SAMSN1: variants seen among roughly 807,000 people sequenced by gnomAD.
SAMSN1 encodes the protein SAM domain, SH3 domain and nuclear localization signals 1, also known as SAM domain-containing protein SAMSN-1.
A neutral mutation model predicts 42.0 loss-of-function variants in SAMSN1; 31 were observed. The ratio of observed to expected loss-of-function variants is 0.74; its 90% CI spans 0.55 to 1.00. SAMSN1 has a LOEUF of 1.00. Ranked by LOEUF, SAMSN1 falls within the 50% of genes least tolerant of loss-of-function variation. The pLI is 0.00. For missense variants in SAMSN1, 464 were observed against 439.4 expected (o/e 1.06, Z -0.50); for synonymous variants, 178 against 151.9 (o/e 1.17, Z -1.26).
intron 1 of SAMSN1, among the ~76,000 whole-genome samples, chr21:14,648,447 C>A (rs1983763135): frequency 6.6e-6 from 1 of 152,164 alleles, no homozygotes; most frequent in African/African-American, 2.4e-5. Flanking sequence ...AGAGCTTCTG[C>A]ACAGCAAAAG....
intron 2 of SAMSN1, among the ~76,000 whole-genome samples, chr21:14,573,978 G>T (rs1301665995): frequency 6.6e-6 from 1 of 150,502 alleles, no homozygotes; most frequent in Non-Finnish European, 1.5e-5. Context: ...ATATTTCTTT[G>T]CAATAAAAGA....
chr21:14,541,458 C>G (rs114625959), intron 1 of SAMSN1, among the ~76,000 whole-genome samples: 2,146 of 152,260 alleles, frequency 0.014, 48 homozygotes, highest in African/African-American at 0.049. Flanking sequence ...CATGTGGCCC[C>G]ACACAAATTC....
intron 1 of SAMSN1, among the ~76,000 whole-genome samples, chr21:14,524,223 C>A (rs1978683058): frequency 6.6e-6 from 1 of 152,072 alleles, no homozygotes; most frequent in Non-Finnish European, 1.5e-5. Flanking sequence ...TATATGGAAA[C>A]AAAGCTTGCT....
chr21:14,508,361 A>G (rs547794890), intron 5 of SAMSN1, among the ~76,000 whole-genome samples: 4 of 152,304 alleles, frequency 2.6e-5, no homozygotes, highest in Non-Finnish European at 2.9e-5. Context: ...CAACAAGAAA[A>G]AAAAACAAAC....
intron 2 of SAMSN1, among the ~76,000 whole-genome samples, chr21:14,565,216 A>T (rs1439236809): frequency 1.3e-5 from 2 of 151,444 alleles, no homozygotes; most frequent in Non-Finnish European, 2.9e-5. Context: ...GAATCACTTT[A>T]ACCTGGGAGG....
chr21:14,568,742 A>C (rs1221025569), intron 2 of SAMSN1, among the ~76,000 whole-genome samples: 4 of 152,178 alleles, frequency 2.6e-5, no homozygotes, highest in African/African-American at 9.7e-5. Context: ...TACACTCAGA[A>C]AGATTTCTCC....
At chr21:14,600,331 T>A (rs1982397082) in intron 6 of SAMSN1, among the ~76,000 whole-genome samples, 1 of 152,220 alleles carries the variant, frequency 6.6e-6, no homozygotes, top group Non-Finnish European at 1.5e-5. Flanking sequence ...TTTGTTAAAC[T>A]ATTCTGTCAT....
intron 4 of SAMSN1, among the ~76,000 whole-genome samples, chr21:14,610,187 A>G (rs1451698063): frequency 1.3e-5 from 2 of 152,188 alleles, no homozygotes; most frequent in African/African-American, 4.8e-5. Context: ...GGATAAGAGA[A>G]ATATCGCTGA....
chr21:14,629,860 C>T (rs777635645), intron 2 of SAMSN1, among the ~76,000 whole-genome samples: 13 of 152,114 alleles, frequency 8.5e-5, no homozygotes, highest in Non-Finnish European at 1.3e-4. Context: ...TAAAAGATTC[C>T]TCCTTTGCAA....
At chr21:14,489,780 A>G (rs1382181816) in intron 7 of SAMSN1, among the ~76,000 whole-genome samples, 3 of 152,184 alleles carry the variant, frequency 2.0e-5, no homozygotes, top group Non-Finnish European at 4.4e-5. Context: ...ACAGAATTGT[A>G]TAAAGCCCAT....
chr21:14,641,517 G>T (rs1387418385), intron 2 of SAMSN1, among the ~76,000 whole-genome samples: 1 of 152,104 alleles, frequency 6.6e-6, no homozygotes, highest in Non-Finnish European at 1.5e-5. Context: ...CTTTGAGTGG[G>T]CAAGTTATTT....
At chr21:14,628,504 G>T (rs1983240726) in intron 2 of SAMSN1, among the ~76,000 whole-genome samples, 1 of 152,072 alleles carries the variant, frequency 6.6e-6, no homozygotes, top group Non-Finnish European at 1.5e-5. Context: ...GGCAATCAGA[G>T]AGATGAAAAA....
rs773415069 is a variant in SAMSN1 at position 14,485,909 on chromosome 21, T to C, written c.*3A>G. On this transcript the variant is annotated 3_prime_UTR_variant, in exon 8 of 8. Transcript: ENST00000400566. ...CTGTAGATATATAGTTGGGAATGCG[T>C]GTTCAGTCACTTGGCTCTGTGATAA... 2 of 1,611,728 alleles carry C rather than the reference T, an allele frequency of 1.2e-6. No homozygotes were observed. The highest frequency in any genetic ancestry group is 3.3e-5 in the Admixed American group (2 of 60,002).
chr21:14,495,736 T>A (rs1485898504), intron 7 of SAMSN1: 1 of 152,192 alleles, frequency 6.6e-6, no homozygotes, highest in Non-Finnish European at 1.5e-5. Flanking sequence ...TTGGAGACAC[T>A]ATGTTTTGTT....
chr21:14,638,675 T>C (rs1460206705), intron 2 of SAMSN1, among the ~76,000 whole-genome samples: 1 of 152,230 alleles, frequency 6.6e-6, no homozygotes, highest in Admixed American at 6.5e-5. Flanking sequence ...GTTCTCTAAC[T>C]TCTATGCTAA....
At chr21:14,624,985 A>G (rs1983124639) in intron 2 of SAMSN1, among the ~76,000 whole-genome samples, 1 of 152,186 alleles carries the variant, frequency 6.6e-6, no homozygotes, top group Non-Finnish European at 1.5e-5. Context: ...ACATGAGTCA[A>G]TAAACATAAT....
At chr21:14,578,202 A>G (rs975625806) in intron 2 of SAMSN1, among the ~76,000 whole-genome samples, 1 of 152,176 alleles carries the variant, frequency 6.6e-6, no homozygotes, top group Non-Finnish European at 1.5e-5. Context: ...AGTTACTCAG[A>G]GGAAAGAGAG....
intron 1 of SAMSN1, among the ~76,000 whole-genome samples, chr21:14,649,416 A>G (rs926152075): frequency 1.3e-5 from 2 of 152,136 alleles, no homozygotes; most frequent in African/African-American, 4.8e-5. Context: ...TAAAACTTAA[A>G]GTATAACAAT....
At chr21:14,636,953 A>G (rs1431113551) in intron 2 of SAMSN1, among the ~76,000 whole-genome samples, 1 of 152,216 alleles carries the variant, frequency 6.6e-6, no homozygotes, top group Non-Finnish European at 1.5e-5. Context: ...GTTTATAACT[A>G]ATTGCCTATC....
Sources: allele counts gnomAD v4.1 joint callset (sites outside exome capture counted in the v4.1 genomes callset), GRCh38; gene constraint gnomAD v4.1.1; transcripts MANE v1.5; gene names NCBI Gene and HGNC (gene_info 2026-07-23, HGNC 2026-07-21).